Variants in ZNF510 observed in about 807,000 individuals in gnomAD.
ZNF510 encodes zinc finger protein 510.
ZNF510 carries 15 observed loss-of-function variants against 18.1 expected under a neutral mutation model. The observed-to-expected ratio is 0.83, with a 90% CI of 0.55 to 1.28. The LOEUF is 1.28. ZNF510 is among the 50% of genes most tolerant of loss of function. The probability of loss-of-function intolerance (pLI) is 0.00; values close to 1 mark genes in which losing one functional copy is unlikely to be tolerated. For synonymous variants in ZNF510, 261 were observed against 266.4 expected (o/e 0.98, Z 0.20); for missense variants, 724 against 791.8 (o/e 0.91, Z 1.03).
At position 96,759,632 on chromosome 9, in the gene ZNF510, T is replaced by C. The variant is rs367916772; in HGVS notation, c.1198A>G (p.Met400Val). ...TCATTACATTTATAGGGTTTCATCA[T>C]TGAGTGACTTCTTCGGCGAACTCTG... is the stretch of plus-strand genomic sequence containing the variant. ...VHRVRRRSHSMMKPYKCNECG... is the reference protein window; with the variant it reads ...VHRVRRRSHSVMKPYKCNECG... The change falls in exon 6 of 6, where the codon ATG becomes GTG. Residue 400 changes from methionine (M) to valine (V), a missense_variant. Transcript: ENST00000223428. 2.3e-5 allele frequency: 37 copies of C among 1,613,486 alleles called. No homozygotes were observed. Among genetic ancestry groups the C allele is most frequent in the East Asian group, 8.9e-5 (4 of 44,866 alleles).
chr9:96,770,762 AGCTAAAT>A (rs1310082206), intron 3 of ZNF510, among the ~76,000 whole-genome samples: 1 of 149,876 alleles, frequency 6.7e-6, no homozygotes, highest in African/African-American at 2.6e-5. Context: ...GGGGGATGAT[AGCTAAAT>A]GATATGGAAT....
rs1308916977 is a variant in ZNF510 at position 96,774,827 on chromosome 9, G to A, written c.90C>T (p.Ser30=). ...TTTTCTGCTGCTCCTGAAAGAGTGT[G>A]GAGAACCGTAAAGGATAACCTGGGG... ...LAEGGYPLRF[S]TLFQEQQKMN... Residue 30 remains serine, a synonymous_variant, in exon 3 of 6, where the codon TCC becomes TCT. Transcript: ENST00000223428. 9.3e-6 allele frequency: 15 copies of A among 1,613,760 alleles called. No individual in the cohort carries two copies. The Admixed American group carries it at 1.7e-4, about 18-fold the overall frequency.
chr9:96,759,932 T>G lies in ZNF510; in HGVS notation c.898A>C (p.Arg300=), dbSNP rs1849304278. The change falls in exon 6 of 6, where the codon AGG becomes CGG. Residue 300 remains arginine, a synonymous_variant. Transcript: ENST00000223428. ...TGTTTCTTCCCTGTGCCAGTTCTCC[T>G]GTGGTCAAAGAGAGTTTTCTTATCA... ...NCDKKTLFDH[R]RTGTGKKHLH... The G allele has an allele frequency of 5.6e-6, 9 of 1,613,442 alleles. No homozygotes were observed. Among genetic ancestry groups the G allele is most frequent in the Non-Finnish European group, 7.6e-6 (9 of 1,179,964 alleles).
At chr9:96,775,065 G>GTT (rs199701361) in intron 2 of ZNF510, among the ~76,000 whole-genome samples, 6 of 139,080 alleles carry the variant, frequency 4.3e-5, no homozygotes, top group Admixed American at 7.1e-5. Context: ...GTGTTTTTTT[G>GTT]TTTTTTTTTT....
Position 96,756,285 on chromosome 9 carries a change from G to A in ZNF510, c.*2493C>T, listed in dbSNP as rs1849191276. The A allele has an allele frequency of 6.6e-6, 1 of 152,182 alleles. No homozygotes were observed. The highest frequency in any genetic ancestry group is 2.1e-4 in the South Asian group (1 of 4,828). The allele number at this position is 152,182 out of a possible 1,614,324, so 9.4% of individuals were successfully genotyped here. The stretch of plus-strand genomic sequence containing the variant: ...CATCCTCGTGCTCTTTCCACTGAGA[G>A]GAGTGACCGCTTCACTTTGGGTTTG... On this transcript the variant is annotated 3_prime_UTR_variant, in exon 6 of 6. Transcript: ENST00000223428.
In ZNF510 at chr9:96,760,533, CT is replaced by C. The variant is rs34585233; in HGVS notation, c.353-57del. 17,169 of 1,467,730 alleles carry C rather than the reference CT, an allele frequency of 0.012. 1,590 individuals carry two copies. The African/African-American group carries it at 0.21, about 18-fold the overall frequency. 90.9% of individuals were successfully genotyped at this position (1,467,730 alleles called of 1,614,324 possible). A position where few individuals can be genotyped will look rare whatever the true frequency, so the allele number is the denominator to read the frequency against. ...ACTCTTACATCTTCTGTGGGTAGAG[CT>C]TTATCAACATACAGCCTATGTTGCA... On this transcript the variant is annotated intron_variant, in intron 5 of 5. Coordinates refer to ENST00000223428, the MANE Select transcript of ZNF510 (RefSeq NM_014930.3).
rs1484947531 is a variant in ZNF510, at chr9:96,757,407, T to C, written c.*1371A>G. On this transcript the variant is annotated 3_prime_UTR_variant, in exon 6 of 6. Coordinates refer to ENST00000223428, the MANE Select transcript of ZNF510 (RefSeq NM_014930.3). ...AGGTGGTACTATCAATTTCATTACA[T>C]TGAAAGGATGTCTTTTCCACAATTC... 1.3e-5 allele frequency: 2 copies of C among 152,222 alleles called. No individual in the cohort carries two copies. The highest frequency in any genetic ancestry group is 1.3e-4 in the Admixed American group (2 of 15,276). The allele number at this position is 152,222 out of a possible 1,614,324, so 9.4% of individuals were successfully genotyped here. A position where few individuals can be genotyped will look rare whatever the true frequency, so the allele number is the denominator to read the frequency against.
chr9:96,764,733 TATACC>T (rs1564437376), intron 3 of ZNF510, among the ~76,000 whole-genome samples: 1 of 152,192 alleles, frequency 6.6e-6, no homozygotes, highest in Non-Finnish European at 1.5e-5. Context: ...TGGAAAAAGA[TATACC>T]ATATAATCAA....
chr9:96,758,743 A>C lies in ZNF510; in HGVS notation c.*35T>G. On this transcript the variant is annotated 3_prime_UTR_variant, in exon 6 of 6. Coordinates refer to ENST00000223428, the MANE Select transcript of ZNF510 (RefSeq NM_014930.3). The stretch of plus-strand genomic sequence containing the variant: ...GTGTATCTCTGATATCAAATGGGGT[A>C]TTCCTTTTGTCAAAAGGATTTTCTA... 2.0e-6 allele frequency: 3 copies of C among 1,524,084 alleles called. No individual in the cohort carries two copies. Among genetic ancestry groups the C allele is most frequent in the Non-Finnish European group, 2.6e-6 (3 of 1,139,282 alleles). 94.4% of individuals were successfully genotyped at this position (1,524,084 alleles called of 1,614,324 possible). A position where few individuals can be genotyped will look rare whatever the true frequency, so the allele number is the denominator to read the frequency against.
chr9:96,760,050 TC>T lies in ZNF510; in HGVS notation c.779del (p.Gly260GlufsTer74). On this transcript the variant is annotated frameshift_variant, in exon 6 of 6. Coordinates refer to ENST00000223428, the MANE Select transcript of ZNF510 (RefSeq NM_014930.3). LOFTEE classifies it low-confidence loss of function (END_TRUNC). ...LEQAFECNKI[G>X]KAFNDKANCV... ...AGTTAGCCTTATCATTAAAGGCTTT[TC>T]CAATTTTATTACATTCAAAAGCTTG... 1 of 1,611,886 alleles carries T rather than the reference TC, an allele frequency of 6.2e-7. No individual in the cohort carries two copies.
chr9:96,777,691 C>T, intron 1 of ZNF510: 1 of 152,208 alleles, frequency 6.6e-6, no homozygotes, highest in Admixed American at 6.5e-5. Context: ...CCTCTCACCG[C>T]AGACCCACGG....
chr9:96,774,884 C>A (rs1212586887), intron 2 of ZNF510, 38 bp from the exon 3 acceptor site: 1 of 1,585,198 alleles, frequency 6.3e-7, no homozygotes, highest in South Asian at 1.1e-5. Context: ...ATCTGGGCAG[C>A]CTCCATCTTA....
rs1456266101 is a variant in ZNF510 at position 96,754,967 on chromosome 9, G to A, written c.*3811C>T. Among the ~76,000 whole-genome samples, 1 of 152,234 alleles carries A rather than the reference G, an allele frequency of 6.6e-6. No individual in the cohort carries two copies. Among genetic ancestry groups the A allele is most frequent in the Non-Finnish European group, 1.5e-5 (1 of 68,040 alleles). Reference sequence around the variant, plus strand: ...CTAGATGAGGCATCCATCTGCTAGAGTAAAAGACCATGAGTTGCTAAGGAG... The same window carrying A: ...CTAGATGAGGCATCCATCTGCTAGAATAAAAGACCATGAGTTGCTAAGGAG... On this transcript the variant is annotated 3_prime_UTR_variant, in exon 6 of 6. Coordinates refer to ENST00000223428, the MANE Select transcript of ZNF510 (RefSeq NM_014930.3).
At position 96,776,117 on chromosome 9, in the gene ZNF510, G is replaced by T; in HGVS notation, c.-48C>A. 1 of 1,564,088 alleles carries T rather than the reference G, an allele frequency of 6.4e-7. No individual in the cohort carries two copies. The highest frequency in any genetic ancestry group is 8.7e-7 in the Non-Finnish European group (1 of 1,152,754). ...GCAAGGGGATGAAGAAGTGCCGCTG[G>T]TTGGGCAAATCAAGACCTGCTCCTT... On this transcript the variant is annotated 5_prime_UTR_variant, in exon 2 of 6. Transcript: ENST00000223428.
chr9:96,774,596 A>C (rs2289652), intron 3 of ZNF510, among the ~76,000 whole-genome samples, 192 bp downstream of exon 3: 7,105 of 152,304 alleles, frequency 0.047, 410 homozygotes, highest in African/African-American at 0.13. Context: ...TGAAAACTGC[A>C]GTTCCATTTT....
chr9:96,758,769 G>C lies in ZNF510; in HGVS notation c.*9C>G. The C allele has an allele frequency of 6.5e-7, 1 of 1,540,540 alleles. No homozygotes were observed. On this transcript the variant is annotated 3_prime_UTR_variant, in exon 6 of 6. Coordinates refer to ENST00000223428, the MANE Select transcript of ZNF510 (RefSeq NM_014930.3). ...TTCCTTTTGTCAAAAGGATTTTCTA[G>C]TTATTACATCAATAGGGATTCCCCT...
chr9:96,759,303 A>G lies in ZNF510; in HGVS notation c.1527T>C (p.Ile509=), dbSNP rs773372333. The change falls in exon 6 of 6, where the codon ATT becomes ATC. Residue 509 remains isoleucine, a synonymous_variant. Transcript: ENST00000223428. ...ATTGAAAGGATTTCTCCCCTGTGTGAATTCTGTGATGATCTCTGAGGGTGG... is the reference window on the plus strand; with the variant it reads ...ATTGAAAGGATTTCTCCCCTGTGTGGATTCTGTGATGATCTCTGAGGGTGG... ...QKSTLRDHHR[I]HTGEKSFQCN... 2.5e-5 allele frequency: 41 copies of G among 1,613,984 alleles called. No individual in the cohort carries two copies. The highest frequency in any genetic ancestry group is 8.3e-5 in the Admixed American group (5 of 59,994).
At chr9:96,768,931 A>AACTT (rs1220170657) in intron 3 of ZNF510, among the ~76,000 whole-genome samples, 4 of 152,346 alleles carry the variant, frequency 2.6e-5, no homozygotes, top group African/African-American at 4.8e-5. Flanking sequence ...CTGATTTAAA[A>AACTT]ACTTATTATA....
At chr9:96,770,614 T>C (rs75807873) in intron 3 of ZNF510, among the ~76,000 whole-genome samples, 1 of 127,666 alleles carries the variant, frequency 7.8e-6, no homozygotes, top group Non-Finnish European at 1.5e-5. Flanking sequence ...AAAAAAAAAA[T>C]ATATATATAT....
Sources: allele counts gnomAD v4.1 joint callset (sites outside exome capture counted in the v4.1 genomes callset), GRCh38; gene constraint gnomAD v4.1.1; transcripts MANE v1.5; gene names NCBI Gene and HGNC (gene_info 2026-07-23, HGNC 2026-07-21).